KCND2: variants seen among roughly 807,000 people sequenced by gnomAD.
KCND2 encodes potassium voltage-gated channel subfamily D member 2.
In KCND2, 16 loss-of-function variants were observed where a neutral mutation model predicts 54.4. The observed-to-expected ratio is 0.29, with a 90% CI of 0.20 to 0.45. The LOEUF is 0.45. KCND2 is among the 20% of genes least tolerant of loss of function. The probability of loss-of-function intolerance (pLI) is 1.00; values close to 1 mark genes in which losing one functional copy is unlikely to be tolerated. For missense variants in KCND2, 486 were observed against 824.2 expected, an observed-to-expected ratio of 0.59 and a Z score of 5.02; for synonymous variants, 317 against 310.7, an observed-to-expected ratio of 1.02 and a Z score of -0.21.
intron 1 of KCND2, among the ~76,000 whole-genome samples, chr7:120,597,140 G>T (rs1224973713): frequency 6.6e-6 from 1 of 152,186 alleles, no homozygotes; most frequent in East Asian, 1.9e-4. Flanking sequence ...TATGAAAGAT[G>T]ATAAGGACCT....
intron 1 of KCND2, among the ~76,000 whole-genome samples, chr7:120,359,828 A>G (rs893323129): frequency 2.6e-4 from 40 of 152,016 alleles, no homozygotes; most frequent in African/African-American, 9.7e-4. Context: ...TTCTCGTGAT[A>G]GTGAGTGAGT....
intron 1 of KCND2, among the ~76,000 whole-genome samples, chr7:120,563,836 T>C (rs1210383497): frequency 3.3e-5 from 5 of 152,160 alleles, no homozygotes; most frequent in African/African-American, 9.7e-5. Context: ...ATATCTTCTA[T>C]ACAAATCCTC....
chr7:120,745,632 T>C, intron 4 of KCND2, 148 bp from the exon 5 acceptor site: 1 of 798,856 alleles, frequency 1.3e-6, no homozygotes, highest in Non-Finnish European at 2.0e-6. Context: ...GTGGTTTTGA[T>C]GTCAATCTTT....
intron 1 of KCND2, among the ~76,000 whole-genome samples, chr7:120,587,619 C>T (rs1792616771): frequency 6.6e-6 from 1 of 152,066 alleles, no homozygotes; most frequent in Non-Finnish European, 1.5e-5. Context: ...TGACCTTTCT[C>T]TTTCAACATT....
intron 1 of KCND2, among the ~76,000 whole-genome samples, chr7:120,455,367 A>C (rs6965138): frequency 0.25 from 38,408 of 151,960 alleles, 6,625 homozygotes; most frequent in East Asian, 0.56. Context: ...GAATAGAGAG[A>C]TTACACACTA....
At chr7:120,637,702 G>A (rs951700260) in intron 1 of KCND2, among the ~76,000 whole-genome samples, 1 of 152,000 alleles carries the variant, frequency 6.6e-6, no homozygotes, top group African/African-American at 2.4e-5. Context: ...ATCCATCTAT[G>A]GTGAATTTTT....
chr7:120,566,103 C>T (rs1265291865), intron 1 of KCND2, among the ~76,000 whole-genome samples: 2 of 152,124 alleles, frequency 1.3e-5, no homozygotes, highest in Non-Finnish European at 2.9e-5. Flanking sequence ...GGGACTTGTA[C>T]ATTTTTTTCT....
At chr7:120,608,148 G>A (rs1383140202) in intron 1 of KCND2, among the ~76,000 whole-genome samples, 1 of 151,866 alleles carries the variant, frequency 6.6e-6, no homozygotes, top group Non-Finnish European at 1.5e-5. Context: ...CTCATCAAGT[G>A]TAATCCAACA....
At chr7:120,298,236 C>A (rs760767152) in intron 1 of KCND2, among the ~76,000 whole-genome samples, 27 of 152,138 alleles carry the variant, frequency 1.8e-4, no homozygotes, top group Non-Finnish European at 3.4e-4. Flanking sequence ...ACGGGTATTA[C>A]AGACTTCTCT....
At chr7:120,571,249 A>G (rs1420833203) in intron 1 of KCND2, among the ~76,000 whole-genome samples, 1 of 152,220 alleles carries the variant, frequency 6.6e-6, no homozygotes, top group Admixed American at 6.5e-5. Context: ...ATCTAATTTT[A>G]AAGTTTTGAA....
chr7:120,551,223 CA>C (rs2116395967), intron 1 of KCND2, among the ~76,000 whole-genome samples: 1 of 152,224 alleles, frequency 6.6e-6, no homozygotes. Context: ...CCATTTTAAG[CA>C]TATAAAAATT....
chr7:120,535,260 C>T (rs1443562955), intron 1 of KCND2, among the ~76,000 whole-genome samples: 4 of 152,052 alleles, frequency 2.6e-5, no homozygotes, highest in Non-Finnish European at 5.9e-5. Context: ...AGCTTCAGAA[C>T]GTAAGTTTAT....
intron 1 of KCND2, among the ~76,000 whole-genome samples, chr7:120,467,271 AG>A (rs1409690685): frequency 6.6e-6 from 1 of 152,184 alleles, no homozygotes; most frequent in African/African-American, 2.4e-5. Flanking sequence ...ACTGAAAATA[AG>A]CCAAACCTTG....
intron 1 of KCND2, among the ~76,000 whole-genome samples, chr7:120,706,630 T>G (rs758896937): frequency 1.5e-4 from 23 of 152,128 alleles, no homozygotes; most frequent in Admixed American, 3.3e-4. Flanking sequence ...GGTGACACAT[T>G]CAAAAGATAG....
intron 1 of KCND2, among the ~76,000 whole-genome samples, chr7:120,605,127 T>C (rs1206616028): frequency 6.6e-6 from 1 of 152,230 alleles, no homozygotes; most frequent in Non-Finnish European, 1.5e-5. Flanking sequence ...CATTTGGCAA[T>C]GTTTGGAAAC....
intron 1 of KCND2, among the ~76,000 whole-genome samples, chr7:120,544,838 T>G (rs1452549035): frequency 2.0e-5 from 3 of 151,920 alleles, no homozygotes; most frequent in Non-Finnish European, 4.4e-5. Flanking sequence ...ATCACCTGGT[T>G]TTCTTGGGAA....
At chr7:120,317,031 T>A (rs1218887542) in intron 1 of KCND2, among the ~76,000 whole-genome samples, 1 of 152,074 alleles carries the variant, frequency 6.6e-6, no homozygotes, top group Non-Finnish European at 1.5e-5. Flanking sequence ...GAGACTAGGT[T>A]TCACCCTGTC....
At chr7:120,738,651 G>A (rs903901391) in intron 2 of KCND2, among the ~76,000 whole-genome samples, 1 of 151,908 alleles carries the variant, frequency 6.6e-6, no homozygotes, top group Non-Finnish European at 1.5e-5. Flanking sequence ...CTGGTACTTT[G>A]CCATGCCAGA....
intron 2 of KCND2, among the ~76,000 whole-genome samples, chr7:120,737,431 C>T (rs537587635): frequency 2.0e-5 from 3 of 152,090 alleles, no homozygotes; most frequent in East Asian, 1.9e-4. Context: ...GTTCTCACCG[C>T]TTCCACCATG....
Sources: allele counts gnomAD v4.1 joint callset (sites outside exome capture counted in the v4.1 genomes callset), GRCh38; gene constraint gnomAD v4.1.1; transcripts MANE v1.5; gene names NCBI Gene and HGNC (gene_info 2026-07-23, HGNC 2026-07-21).